The following FLVCR2 variants were observed in gnomAD, a reference collection of about 807,000 sequenced individuals.
FLVCR2 encodes the protein FLVCR choline and putative heme transporter 2.
Under a neutral mutation model 48.9 loss-of-function variants are expected in FLVCR2, and 38 were observed. The ratio of observed to expected loss-of-function variants is 0.78; its 90% CI spans 0.60 to 1.02. The LOEUF is 1.02. FLVCR2 is among the 50% of genes least tolerant of loss of function. FLVCR2 has a pLI of 0.00. For synonymous variants in FLVCR2, 255 were observed against 257.0 expected (o/e 0.99, Z 0.07); for missense variants, 664 against 663.3 (o/e 1.00, Z -0.01).
intron 8 of FLVCR2, 84 bp from the exon 9 acceptor site, chr14:75,641,759 C>G: frequency 7.9e-7 from 1 of 1,272,576 alleles, no homozygotes; most frequent in Non-Finnish European, 1.1e-6. Context: ...TACCTGTGAC[C>G]CTTAGGAAAT....
At chr14:75,609,004 T>C (rs1475177341) in intron 1 of FLVCR2, among the ~76,000 whole-genome samples, 1 of 152,110 alleles carries the variant, frequency 6.6e-6, no homozygotes, top group African/African-American at 2.4e-5. Flanking sequence ...GTCTTTCCAG[T>C]TGACAGCAGG....
Position 75,578,672 on chromosome 14 carries a change from AGGAAC to A in FLVCR2, c.-299_-295del, listed in dbSNP as rs1888512220. ...GCAAGGAGAGAACTTTTCCTGCACA[AGGAAC>A]GCCTCGTGGGGAGACCCAAGGCAGG... On this transcript the variant is annotated 5_prime_UTR_variant, in exon 1 of 10. Coordinates refer to ENST00000238667, the MANE Select transcript of FLVCR2 (RefSeq NM_017791.3). 7 of 498,540 alleles carry A rather than the reference AGGAAC, an allele frequency of 1.4e-5. No individual in the cohort carries two copies. Among genetic ancestry groups the A allele is most frequent in the Admixed American group, 9.9e-5 (3 of 30,188 alleles). 30.9% of individuals were successfully genotyped at this position (498,540 alleles called of 1,614,324 possible). A position where few individuals can be genotyped will look rare whatever the true frequency, so the allele number is the denominator to read the frequency against.
intron 3 of FLVCR2, chr14:75,632,641 G>A (rs1336936072): frequency 2.8e-6 from 2 of 702,192 alleles, no homozygotes; most frequent in Non-Finnish European, 2.6e-6. Context: ...GAACTCCTGA[G>A]GCTGCCCTGT....
intron 1 of FLVCR2, among the ~76,000 whole-genome samples, chr14:75,616,495 A>T (rs538725482): frequency 2.6e-5 from 4 of 152,212 alleles, no homozygotes; most frequent in South Asian, 2.1e-4. Context: ...ACATATATAT[A>T]TTTTTTAATT....
chr14:75,634,600 A>T (rs1890120804), intron 4 of FLVCR2, among the ~76,000 whole-genome samples: 2 of 152,358 alleles, frequency 1.3e-5, no homozygotes, highest in Admixed American at 1.3e-4. Context: ...TTAATGACAG[A>T]TAAGATAGAA....
intron 5 of FLVCR2, among the ~76,000 whole-genome samples, chr14:75,635,969 T>G (rs1188899456): frequency 6.6e-6 from 1 of 152,140 alleles, no homozygotes; most frequent in African/African-American, 2.4e-5. Context: ...GAATCTGCAT[T>G]TGTAGAAAGC....
intron 1 of FLVCR2, among the ~76,000 whole-genome samples, chr14:75,599,302 T>C (rs1027166368): frequency 6.6e-6 from 1 of 151,872 alleles, no homozygotes; most frequent in African/African-American, 2.4e-5. Context: ...TCAACTTCAT[T>C]TTTATACACT....
chr14:75,623,228 C>T lies in FLVCR2; in HGVS notation c.811+1008C>T, dbSNP rs560481033. On this transcript the variant is annotated intron_variant, in intron 2 of 9. Transcript: ENST00000238667. The stretch of plus-strand genomic sequence containing the variant: ...AGCTCCTGACCTCAAGTGATCTACC[C>T]GCCTCAGCCTCCCAAAGTGCTGGGA... 7.9e-5 allele frequency among the ~76,000 whole-genome samples: 12 copies of T among 152,222 alleles called. No individual in the cohort carries two copies. In the South Asian group the frequency reaches 1.9e-3, roughly 24 times the overall value.
rs1481924616 is a variant in FLVCR2 at position 75,647,946 on chromosome 14, TAGA to T, written c.*1479_*1481del. On this transcript the variant is annotated 3_prime_UTR_variant, in exon 10 of 10. Coordinates refer to ENST00000238667, the MANE Select transcript of FLVCR2 (RefSeq NM_017791.3). ...GATGCAAGGAACATGCTGTATGTAA[TAGA>T]AGAAAGAAGTCCACGTTTTCGGCAG... 6.5e-6 allele frequency: 1 copy of T among 152,848 alleles called. No individual in the cohort carries two copies. Among genetic ancestry groups the T allele is most frequent in the African/African-American group, 2.4e-5 (1 of 41,414 alleles). The allele number at this position is 152,848 out of a possible 1,614,324, so 9.5% of individuals were successfully genotyped here.
At chr14:75,580,847 GTTGCTTCAGGCAATCTGGA>G (rs1283718353) in intron 1 of FLVCR2, among the ~76,000 whole-genome samples, 1 of 152,204 alleles carries the variant, frequency 6.6e-6, no homozygotes, top group Non-Finnish European at 1.5e-5. Flanking sequence ...TGGATCTTCA[GTTGCTTCAGGCAATCTGGA>G]TTGCCTGAAG....
intron 1 of FLVCR2, among the ~76,000 whole-genome samples, chr14:75,619,942 C>A (rs1346686527): frequency 1.3e-5 from 2 of 152,190 alleles, no homozygotes; most frequent in Admixed American, 6.5e-5. Context: ...AGAAGATTAA[C>A]TGAGAATTAA....
At position 75,633,505 on chromosome 14, in the gene FLVCR2, G is replaced by T; in HGVS notation, c.953-124G>T. 4 of 802,500 alleles carry T rather than the reference G, an allele frequency of 5.0e-6. No homozygotes were observed. In the South Asian group the frequency reaches 5.4e-5, roughly 11 times the overall value. 49.7% of individuals were successfully genotyped at this position (802,500 alleles called of 1,614,324 possible). On this transcript the variant is annotated intron_variant, in intron 3 of 9. Coordinates refer to ENST00000238667, the MANE Select transcript of FLVCR2 (RefSeq NM_017791.3). ...CCTCCCTGGAGTTTTCTTCTCTGAG[G>T]ATACTGCTCAGAGTGGCAGTGAGAT...
At chr14:75,593,601 C>G (rs1888939881) in intron 1 of FLVCR2, among the ~76,000 whole-genome samples, 1 of 152,162 alleles carries the variant, frequency 6.6e-6, no homozygotes, top group South Asian at 2.1e-4. Context: ...CCCCATGATC[C>G]AAATGCCTCC....
At chr14:75,615,276 G>A (rs776867317) in intron 1 of FLVCR2, among the ~76,000 whole-genome samples, 1 of 152,214 alleles carries the variant, frequency 6.6e-6, no homozygotes, top group Admixed American at 6.5e-5. Context: ...GGGAGGATCT[G>A]AGACGAAGTG....
intron 1 of FLVCR2, chr14:75,595,920 A>G: frequency 8.1e-7 from 1 of 1,238,108 alleles, no homozygotes; most frequent in Non-Finnish European, 1.2e-6. Context: ...CTTCTCATAC[A>G]GGCCATGTCT....
intron 1 of FLVCR2, among the ~76,000 whole-genome samples, chr14:75,615,293 A>C (rs1438736958): frequency 6.6e-6 from 1 of 152,178 alleles, no homozygotes; most frequent in Non-Finnish European, 1.5e-5. Context: ...AGTGCATATA[A>C]GAGGGCAGAG....
chr14:75,604,924 G>T (rs1332757612), intron 1 of FLVCR2, among the ~76,000 whole-genome samples: 1 of 152,186 alleles, frequency 6.6e-6, no homozygotes, highest in Non-Finnish European at 1.5e-5. Context: ...CCAGAGTGCG[G>T]TGATGAAGAC....
At chr14:75,625,929 T>G (rs1214816096) in intron 3 of FLVCR2, among the ~76,000 whole-genome samples, 1 of 152,010 alleles carries the variant, frequency 6.6e-6, no homozygotes, top group Non-Finnish European at 1.5e-5. Context: ...GTCACACAAC[T>G]TTCAAGTGGC....
At chr14:75,598,683 C>T (rs1044311430) in intron 1 of FLVCR2, among the ~76,000 whole-genome samples, 18 of 152,162 alleles carry the variant, frequency 1.2e-4, no homozygotes, top group Admixed American at 1.2e-3. Flanking sequence ...ACTACTTTGC[C>T]CAGGCTGGTC....
Sources: allele counts gnomAD v4.1 joint callset (sites outside exome capture counted in the v4.1 genomes callset), GRCh38; gene constraint gnomAD v4.1.1; transcripts MANE v1.5; gene names NCBI Gene and HGNC (gene_info 2026-07-23, HGNC 2026-07-21).